Variants in ACTR3C observed in about 807,000 individuals in gnomAD.
ACTR3C encodes the protein actin related protein 3C.
A neutral mutation model predicts 26.3 loss-of-function variants in ACTR3C; 18 were observed. The ratio of observed to expected loss-of-function variants is 0.68; its 90% CI spans 0.47 to 1.01. The LOEUF is 1.01. Among genes scored for constraint, ACTR3C ranks in the 50% least tolerant of loss-of-function variants. ACTR3C has a pLI of 0.00. For missense variants in ACTR3C, 184 were observed against 250.7 expected (o/e 0.73, Z 1.80); for synonymous variants, 55 against 94.5 (o/e 0.58, Z 2.42).
chr7:150,143,524 C>T, the ACTR3C span, among the ~76,000 whole-genome samples: 1 of 152,130 alleles, frequency 6.6e-6, no homozygotes, highest in South Asian at 2.1e-4. Context: ...GTAACAGCTA[C>T]GACAATCAAG....
At chr7:150,172,459 T>A in the ACTR3C span, among the ~76,000 whole-genome samples, 1 of 150,612 alleles carries the variant, frequency 6.6e-6, no homozygotes, top group South Asian at 2.1e-4. Flanking sequence ...CCAGTCCCCA[T>A]GATTTAATTA....
chr7:150,002,041 TCACCCAGCAC>T, the ACTR3C span: 1 of 152,230 alleles, frequency 6.6e-6, no homozygotes, highest in South Asian at 2.1e-4. Flanking sequence ...CGGCTAATGC[TCACCCAGCAC>T]CACCCTGCCT....
the ACTR3C span, among the ~76,000 whole-genome samples, chr7:150,144,508 GAAT>G: frequency 2.0e-5 from 3 of 151,838 alleles, no homozygotes; most frequent in Non-Finnish European, 4.4e-5. The surrounding 1 kb of genome is among the most constrained non-coding windows in gnomAD (Gnocchi z 4.6). Flanking sequence ...GTAAACAATT[GAAT>G]AATATTATTT....
the ACTR3C span, among the ~76,000 whole-genome samples, chr7:150,149,892 G>T: frequency 6.6e-6 from 1 of 152,164 alleles, no homozygotes; most frequent in Non-Finnish European, 1.5e-5. Flanking sequence ...TAATTCATGT[G>T]GATTTTATAT....
At chr7:150,257,450 C>T (rs146859861) in intron 6 of ACTR3C, among the ~76,000 whole-genome samples, 2 of 152,228 alleles carry the variant, frequency 1.3e-5, no homozygotes, top group African/African-American at 2.4e-5. Context: ...TCTGGACAGA[C>T]ATGTCTCCTT....
the ACTR3C span, among the ~76,000 whole-genome samples, chr7:150,098,190 C>T: frequency 3.3e-5 from 5 of 151,742 alleles, no homozygotes; most frequent in East Asian, 1.9e-4. Context: ...CGACTGACCC[C>T]GTACAATAAT....
chr7:150,141,528 G>GA, the ACTR3C span, among the ~76,000 whole-genome samples: 274 of 131,468 alleles, frequency 2.1e-3, 2 homozygotes, highest in Middle Eastern at 3.9e-3. Context: ...TTATACAACA[G>GA]AAAAAAAAAA....
chr7:149,918,558 C>T, the ACTR3C span, among the ~76,000 whole-genome samples: 86 of 152,220 alleles, frequency 5.6e-4, no homozygotes, highest in East Asian at 0.011. Context: ...GGTGCGGTGG[C>T]GCATGCCTGT....
the ACTR3C span, among the ~76,000 whole-genome samples, chr7:149,904,733 C>T: frequency 6.6e-6 from 1 of 151,218 alleles, no homozygotes; most frequent in South Asian, 2.2e-4. Context: ...CAGTGGCTCA[C>T]ACCTGTAATT....
chr7:149,965,616 C>T, the ACTR3C span, among the ~76,000 whole-genome samples: 5 of 152,254 alleles, frequency 3.3e-5, no homozygotes, highest in Middle Eastern at 3.4e-3. Flanking sequence ...TTTCCCAACA[C>T]GGGTCCAGGA....
chr7:150,250,483 T>C (rs377048913), intron 6 of ACTR3C, among the ~76,000 whole-genome samples: 7 of 151,926 alleles, frequency 4.6e-5, no homozygotes, highest in African/African-American at 1.2e-4. Context: ...GATTACAGGC[T>C]TGAGCCACTG....
At chr7:150,252,148 ATGTGTG>A (rs757960368) in intron 6 of ACTR3C, among the ~76,000 whole-genome samples, 2 of 147,096 alleles carry the variant, frequency 1.4e-5, no homozygotes, top group South Asian at 2.2e-4. Flanking sequence ...GTGTGTGTGC[ATGTGTG>A]TGTGTGTGTG....
At chr7:150,120,262 CAAAA>C in the ACTR3C span, among the ~76,000 whole-genome samples, 6 of 151,960 alleles carry the variant, frequency 3.9e-5, no homozygotes, top group Non-Finnish European at 8.8e-5. Flanking sequence ...GATAGACACA[CAAAA>C]AACCCTTCAA....
At chr7:150,178,654 A>G in the ACTR3C span, among the ~76,000 whole-genome samples, 1 of 150,674 alleles carries the variant, frequency 6.6e-6, no homozygotes, top group Non-Finnish European at 1.5e-5. Context: ...ACTTAAAGTT[A>G]TGGCAGTATG....
At chr7:150,052,372 CA>C in the ACTR3C span, among the ~76,000 whole-genome samples, 2 of 152,070 alleles carry the variant, frequency 1.3e-5, no homozygotes, top group Non-Finnish European at 2.9e-5. Flanking sequence ...CACACACATA[CA>C]CACACACACA....
chr7:150,129,431 A>C, the ACTR3C span, among the ~76,000 whole-genome samples: 2 of 152,220 alleles, frequency 1.3e-5, no homozygotes, highest in African/African-American at 4.8e-5. Context: ...AAAAATCAGA[A>C]ATTAGTAAGT....
chr7:150,010,879 C>G, the ACTR3C span, among the ~76,000 whole-genome samples: 19 of 147,038 alleles, frequency 1.3e-4, no homozygotes, highest in Non-Finnish European at 2.5e-4. Flanking sequence ...CATGTGGATT[C>G]ACCAGGGCTC....
At chr7:150,163,153 C>CAAAAAAAAA in the ACTR3C span, among the ~76,000 whole-genome samples, 1 of 131,424 alleles carries the variant, frequency 7.6e-6, no homozygotes. Flanking sequence ...GACTCAGTCT[C>CAAAAAAAAA]AAAAAAAAGA....
the ACTR3C span, among the ~76,000 whole-genome samples, chr7:150,022,113 T>C: frequency 6.6e-6 from 1 of 151,828 alleles, no homozygotes; most frequent in Non-Finnish European, 1.5e-5. Flanking sequence ...CTTTTCACCA[T>C]ATCCATGCCA....
Sources: allele counts gnomAD v4.1 joint callset (sites outside exome capture counted in the v4.1 genomes callset), GRCh38; gene constraint gnomAD v4.1.1; non-coding constraint Gnocchi (gnomAD v3.1); transcripts MANE v1.5; gene names NCBI Gene and HGNC (gene_info 2026-07-23, HGNC 2026-07-21).